Variants in ITPR1 observed in about 807,000 individuals in gnomAD.
ITPR1 encodes the protein inositol 1,4,5-trisphosphate receptor type 1.
A neutral mutation model predicts 318.4 loss-of-function variants in ITPR1; 96 were observed. That is an observed-to-expected ratio of 0.30 (90% confidence interval 0.26 to 0.36). ITPR1 has a LOEUF of 0.36. Among genes scored for constraint, ITPR1 ranks in the 10% least tolerant of loss-of-function variants. The probability of loss-of-function intolerance (pLI) is 1.00; values close to 1 mark genes in which losing one functional copy is unlikely to be tolerated. For missense variants in ITPR1, 2,440 were observed against 3,460.2 expected (o/e 0.71, Z 7.40); for synonymous variants, 1,312 against 1,289.9 (o/e 1.02, Z -0.37).
intron 3 of ITPR1, among the ~76,000 whole-genome samples, chr3:4,519,555 C>A (rs1339153174): frequency 6.6e-6 from 1 of 152,162 alleles, no homozygotes; most frequent in African/African-American, 2.4e-5. Context: ...CCTAGCCCTA[C>A]CTTGGATTCT....
chr3:4,678,928 A>G (rs747061481), intron 24 of ITPR1, among the ~76,000 whole-genome samples: 15 of 152,182 alleles, frequency 9.9e-5, no homozygotes, highest in Non-Finnish European at 2.1e-4. Flanking sequence ...TTGGGTGTCT[A>G]AAATGCTAAG....
chr3:4,811,153 G>A (rs1367270991), intron 55 of ITPR1, 112 bp from the exon 56 acceptor site: 8 of 615,564 alleles, frequency 1.3e-5, no homozygotes, highest in Non-Finnish European at 2.2e-5. Flanking sequence ...CATATGTAGT[G>A]CTTTTGAGTG....
intron 4 of ITPR1, among the ~76,000 whole-genome samples, chr3:4,592,424 C>T (rs536207628): frequency 1.3e-5 from 2 of 151,870 alleles, no homozygotes; most frequent in Non-Finnish European, 2.9e-5. Context: ...ACCATTTTTT[C>T]TCTTTAGGCA....
intron 44 of ITPR1, among the ~76,000 whole-genome samples, chr3:4,763,806 T>C (rs2045622929): frequency 6.6e-6 from 1 of 152,236 alleles, no homozygotes; most frequent in South Asian, 2.1e-4. Flanking sequence ...TTGACAGCCA[T>C]TGGGTCACCC....
intron 10 of ITPR1, among the ~76,000 whole-genome samples, chr3:4,651,075 T>C (rs993303997): frequency 2.0e-5 from 3 of 152,176 alleles, no homozygotes; most frequent in African/African-American, 7.2e-5. Flanking sequence ...TGGGACCCCT[T>C]TGATGTGTCT....
chr3:4,667,290 A>G, intron 17 of ITPR1, 87 bp from the exon 18 acceptor site: 1 of 1,047,246 alleles, frequency 9.5e-7, no homozygotes, highest in Non-Finnish European at 1.4e-6. Flanking sequence ...AGTTCTCATC[A>G]GGAAACATTG....
At chr3:4,653,978 G>A (rs920920096) in intron 12 of ITPR1, 92 bp downstream of exon 12, 19 of 871,314 alleles carry the variant, frequency 2.2e-5, no homozygotes, top group Admixed American at 1.1e-4. Flanking sequence ...CTGTGGTCAC[G>A]GAGTGCTGGG....
chr3:4,737,115 TG>T (rs2043330094), intron 44 of ITPR1, among the ~76,000 whole-genome samples: 1 of 152,140 alleles, frequency 6.6e-6, no homozygotes, highest in African/African-American at 2.4e-5. Flanking sequence ...TTTTTTTTTC[TG>T]TTGGCCAAAT....
At chr3:4,676,471 T>C in intron 23 of ITPR1, 143 bp from the exon 24 acceptor site, 1 of 607,218 alleles carries the variant, frequency 1.6e-6, no homozygotes, top group South Asian at 2.2e-5. Context: ...TGCATTTACC[T>C]TTCCAGGTTT....
chr3:4,701,212 A>G (rs9841951), intron 35 of ITPR1, among the ~76,000 whole-genome samples: 43,816 of 152,142 alleles, frequency 0.29, 7,160 homozygotes, highest in Non-Finnish European at 0.38. Flanking sequence ...GTCAAGAGAC[A>G]CTGCTTTCTT....
At chr3:4,514,153 T>G in intron 2 of ITPR1, among the ~76,000 whole-genome samples, 1 of 152,098 alleles carries the variant, frequency 6.6e-6, no homozygotes, top group East Asian at 1.9e-4. Context: ...ACTAATTTTA[T>G]GTGATGTGGG....
At chr3:4,800,760 C>G (rs1036360152) in intron 54 of ITPR1, among the ~76,000 whole-genome samples, 160 bp downstream of exon 54, 2 of 152,190 alleles carry the variant, frequency 1.3e-5, no homozygotes, top group African/African-American at 4.8e-5. Flanking sequence ...TGCAGGTGGA[C>G]GTCTCCCTCT....
chr3:4,719,525 G>A (rs2041998588), intron 40 of ITPR1, among the ~76,000 whole-genome samples: 1 of 152,242 alleles, frequency 6.6e-6, no homozygotes, highest in African/African-American at 2.4e-5. Context: ...TTAAGGCAGG[G>A]CCTCACATCT....
intron 60 of ITPR1, 55 bp from the exon 61 acceptor site, chr3:4,836,719 C>G (rs2050945801): frequency 7.7e-7 from 1 of 1,297,256 alleles, no homozygotes; most frequent in East Asian, 2.8e-5. Context: ...GTTTTTACCT[C>G]TAGAAGTGAC....
intron 4 of ITPR1, among the ~76,000 whole-genome samples, chr3:4,626,036 A>T (rs1317256997): frequency 6.6e-6 from 1 of 152,094 alleles, no homozygotes; most frequent in African/African-American, 2.4e-5. Context: ...CTACTTGAGA[A>T]GCTGAGGCAG....
intron 4 of ITPR1, among the ~76,000 whole-genome samples, chr3:4,573,820 C>T (rs955362214): frequency 1.3e-5 from 2 of 152,210 alleles, no homozygotes; most frequent in African/African-American, 4.8e-5. Flanking sequence ...ACTTTCTTTT[C>T]CTCTGTGCAC....
intron 44 of ITPR1, among the ~76,000 whole-genome samples, chr3:4,745,353 C>CAGG (rs2044027805): frequency 6.6e-6 from 1 of 152,144 alleles, no homozygotes; most frequent in Admixed American, 6.5e-5. Flanking sequence ...GCAGACAAAG[C>CAGG]AGGACATTCC....
intron 2 of ITPR1, among the ~76,000 whole-genome samples, chr3:4,498,621 C>T (rs2080784011): frequency 6.6e-6 from 1 of 152,220 alleles, no homozygotes; most frequent in Non-Finnish European, 1.5e-5. Flanking sequence ...GGCAGGATCA[C>T]ATACCAGATG....
At chr3:4,571,618 G>A (rs1189520985) in intron 4 of ITPR1, among the ~76,000 whole-genome samples, 2 of 152,134 alleles carry the variant, frequency 1.3e-5, no homozygotes, top group African/African-American at 4.8e-5. Context: ...ATAGGTGTGA[G>A]CCACCACACC....
Sources: gnomAD v4.1 joint callset for allele counts (sites outside exome capture counted in the v4.1 genomes callset) on GRCh38, gnomAD v4.1.1 for gene constraint, MANE v1.5 for transcripts, NCBI Gene and HGNC (gene_info 2026-07-23, HGNC 2026-07-21) for gene names.